Variants in AK9 observed in about 807,000 individuals in gnomAD.
AK9 encodes the protein adenylate kinase 9, also known as adenylate kinase domain containing 1.
A neutral mutation model predicts 239.6 loss-of-function variants in AK9; 191 were observed. The observed-to-expected ratio is 0.80, with a 90% CI of 0.71 to 0.90. The LOEUF is 0.90. AK9 is among the 40% of genes least tolerant of loss of function. AK9 has a pLI of 0.00. For missense variants in AK9, 1,995 were observed against 2,214.7 expected (o/e 0.90, Z 1.99); for synonymous variants, 689 against 721.0 (o/e 0.96, Z 0.71).
chr6:109,605,291 A>G (rs779799654), intron 17 of AK9, among the ~76,000 whole-genome samples: 21 of 152,168 alleles, frequency 1.4e-4, no homozygotes, highest in Non-Finnish European at 2.5e-4. Flanking sequence ...AATGAGTGTG[A>G]TAGGAATATC....
chr6:109,680,229 A>C (rs1381681196), intron 1 of AK9, among the ~76,000 whole-genome samples: 1 of 152,200 alleles, frequency 6.6e-6, no homozygotes, highest in South Asian at 2.1e-4. Context: ...TGAATTGCTA[A>C]CTAGAATAAC....
At chr6:109,610,041 T>C (rs1353781709) in intron 17 of AK9, among the ~76,000 whole-genome samples, 2 of 152,200 alleles carry the variant, frequency 1.3e-5, no homozygotes, top group Admixed American at 6.5e-5. Context: ...ATGAAACATA[T>C]AACTTTGGTA....
chr6:109,597,191 T>C (rs955460392), intron 17 of AK9, among the ~76,000 whole-genome samples: 1 of 152,186 alleles, frequency 6.6e-6, no homozygotes, highest in African/African-American at 2.4e-5. Flanking sequence ...TTAAAGTCTT[T>C]TCATACACAT....
intron 15 of AK9, among the ~76,000 whole-genome samples, chr6:109,613,742 T>C (rs758068232): frequency 2.0e-5 from 3 of 151,408 alleles, no homozygotes; most frequent in East Asian, 1.9e-4. Context: ...ATAATTATTA[T>C]ATAATGTAAT....
rs1794661909 is a variant in AK9 at position 109,620,282 on chromosome 6, T to C, written c.1255-1046A>G. On this transcript the variant is annotated intron_variant, in intron 12 of 40. Coordinates refer to ENST00000424296, the MANE Select transcript of AK9 (RefSeq NM_001145128.3). ...ATTTTACATCTCTACCAGAAAGATA[T>C]GAAAGTTAGTTTCCTCGCATCCTCA... Among the ~76,000 whole-genome samples, 3 of 152,162 alleles carry C rather than the reference T, an allele frequency of 2.0e-5. No homozygotes were observed. The South Asian group carries it at 6.2e-4, about 31-fold the overall frequency.
intron 8 of AK9, among the ~76,000 whole-genome samples, chr6:109,654,453 TCC>T (rs1391518306): frequency 1.3e-5 from 2 of 152,070 alleles, no homozygotes; most frequent in African/African-American, 4.8e-5. Context: ...TGCCTCAGCC[TCC>T]CAAGTAGCTG....
intron 8 of AK9, among the ~76,000 whole-genome samples, chr6:109,654,365 G>A (rs1037126928): frequency 1.6e-4 from 25 of 151,730 alleles, no homozygotes; most frequent in Non-Finnish European, 2.9e-4. Context: ...TTGAGACGGA[G>A]TCTTGCTCTG....
At chr6:109,572,785 A>C (rs1173917639) in intron 21 of AK9, among the ~76,000 whole-genome samples, 1 of 152,010 alleles carries the variant, frequency 6.6e-6, no homozygotes, top group Non-Finnish European at 1.5e-5. Context: ...TTCAATACTA[A>C]CTCTGCTTGA....
intron 19 of AK9, among the ~76,000 whole-genome samples, chr6:109,580,591 A>C (rs1351496907): frequency 6.6e-6 from 1 of 152,036 alleles, no homozygotes; most frequent in Non-Finnish European, 1.5e-5. Context: ...ATTTTCTCAT[A>C]CTCCGCGTTC....
chr6:109,613,778 G>T (rs1378265797), intron 15 of AK9, among the ~76,000 whole-genome samples: 1 of 151,388 alleles, frequency 6.6e-6, no homozygotes, highest in Non-Finnish European at 1.5e-5. Flanking sequence ...GTTCAAATAT[G>T]AATAGAAAAA....
At chr6:109,493,928 C>T in intron 40 of AK9, 53 bp downstream of exon 40, 1 of 1,331,420 alleles carries the variant, frequency 7.5e-7, no homozygotes, top group Non-Finnish European at 1.1e-6. Context: ...ATCACTTATA[C>T]TACCATTAAT....
chr6:109,499,660 C>T (rs929111456), intron 35 of AK9, among the ~76,000 whole-genome samples: 1 of 151,758 alleles, frequency 6.6e-6, no homozygotes, highest in African/African-American at 2.4e-5. Context: ...AGTGCAGTGG[C>T]GTAGCTCGAT....
intron 10 of AK9, among the ~76,000 whole-genome samples, chr6:109,637,619 A>C (rs751549567): frequency 7.2e-5 from 11 of 152,160 alleles, no homozygotes; most frequent in Non-Finnish European, 1.6e-4. Flanking sequence ...CTACCCTAGA[A>C]ATTCTGTTTT....
At chr6:109,600,412 A>G (rs942025905) in intron 17 of AK9, among the ~76,000 whole-genome samples, 1 of 152,194 alleles carries the variant, frequency 6.6e-6, no homozygotes, top group African/African-American at 2.4e-5. Flanking sequence ...CCAGCCTTGC[A>G]TCCCAGGGAT....
chr6:109,578,937 T>G (rs1199229908), intron 20 of AK9, among the ~76,000 whole-genome samples: 1 of 152,238 alleles, frequency 6.6e-6, no homozygotes, highest in South Asian at 2.1e-4. Context: ...AGACCTGTTT[T>G]GTGGCCTATT....
chr6:109,590,137 T>C (rs780883702), intron 17 of AK9, among the ~76,000 whole-genome samples: 6 of 152,108 alleles, frequency 3.9e-5, no homozygotes, highest in African/African-American at 7.2e-5. Flanking sequence ...TTTAGTAGAA[T>C]TGGTAGCAGT....
At chr6:109,583,318 C>T (rs1366858245) in intron 19 of AK9, among the ~76,000 whole-genome samples, 4 of 152,110 alleles carry the variant, frequency 2.6e-5, no homozygotes, top group Admixed American at 2.0e-4. Flanking sequence ...ATAGATGATC[C>T]AATGACTAAC....
At chr6:109,531,813 G>C (rs924245278) in intron 28 of AK9, among the ~76,000 whole-genome samples, 14 of 152,298 alleles carry the variant, frequency 9.2e-5, no homozygotes, top group Admixed American at 3.3e-4. Flanking sequence ...ACGTCATCAA[G>C]AACAGTGTGG....
chr6:109,614,313 A>G lies in AK9; in HGVS notation c.1496-17T>C, dbSNP rs1320392740. 5.2e-6 allele frequency: 8 copies of G among 1,549,194 alleles called. No individual in the cohort carries two copies. Among genetic ancestry groups the G allele is most frequent in the Middle Eastern group, 3.3e-4 (2 of 5,978 alleles). ...GAATGTACCCTGCAATGAAAGAATA[A>G]TATACTTTATCAGCTAATCTATTTA... On this transcript the variant is annotated splice_polypyrimidine_tract_variant and intron_variant, in intron 14 of 40. Transcript: ENST00000424296.
Sources: gnomAD v4.1 joint callset for allele counts (sites outside exome capture counted in the v4.1 genomes callset) on GRCh38, gnomAD v4.1.1 for gene constraint, MANE v1.5 for transcripts, NCBI Gene and HGNC (gene_info 2026-07-23, HGNC 2026-07-21) for gene names.